The following PARD3B variants were observed in gnomAD, a reference collection of about 807,000 sequenced individuals.
The protein encoded by PARD3B is par-3 family cell polarity regulator beta, also known as partitioning defective 3 homolog B.
A neutral mutation model predicts 130.2 loss-of-function variants in PARD3B; 103 were observed. That is an observed-to-expected ratio of 0.79 (90% CI 0.67 to 0.93). The LOEUF (loss-of-function observed/expected upper bound fraction) is 0.93, where lower values mean the gene tolerates loss of function less well. Among genes scored for constraint, PARD3B ranks in the 40% least tolerant of loss-of-function variants. The pLI is 0.00. For missense variants in PARD3B, 1,609 were observed against 1,499.2 expected, an observed-to-expected ratio of 1.07 and a Z score of -1.21; for synonymous variants, 583 against 553.2, an observed-to-expected ratio of 1.05 and a Z score of -0.76.
At chr2:204,727,706 G>A (rs185105634) in intron 2 of PARD3B, among the ~76,000 whole-genome samples, 1 of 152,250 alleles carries the variant, frequency 6.6e-6, no homozygotes, top group Admixed American at 6.5e-5. Context: ...GCTGTAGCAG[G>A]GGTCATGAAT....
chr2:205,140,702 T>C (rs1414611006), intron 10 of PARD3B, among the ~76,000 whole-genome samples: 1 of 152,164 alleles, frequency 6.6e-6, no homozygotes, highest in Non-Finnish European at 1.5e-5. Context: ...TGTGTACTGT[T>C]ATGCTGAATA....
intron 2 of PARD3B, among the ~76,000 whole-genome samples, chr2:204,861,631 A>T (rs962623552): frequency 4.6e-5 from 7 of 152,128 alleles, no homozygotes; most frequent in Non-Finnish European, 1.0e-4. Flanking sequence ...CATCATAATG[A>T]TTATTTAACT....
At chr2:204,560,463 G>T (rs985651959) in intron 1 of PARD3B, among the ~76,000 whole-genome samples, 2 of 152,074 alleles carry the variant, frequency 1.3e-5, no homozygotes, top group Non-Finnish European at 2.9e-5. Context: ...TTTGGGGCAA[G>T]GGGAGGTGGG....
intron 4 of PARD3B, among the ~76,000 whole-genome samples, chr2:205,054,893 G>T (rs760918132): frequency 3.2e-4 from 49 of 151,896 alleles, no homozygotes; most frequent in East Asian, 1.2e-3. Flanking sequence ...AAAATGAGTG[G>T]TTTTTTTTCC....
At chr2:204,960,220 A>G (rs1200689179) in intron 2 of PARD3B, among the ~76,000 whole-genome samples, 2 of 152,168 alleles carry the variant, frequency 1.3e-5, no homozygotes, top group Non-Finnish European at 2.9e-5. Context: ...TTTACAATAG[A>G]TAAATCAAAG....
At chr2:205,306,384 C>A (rs1331666544) in intron 18 of PARD3B, among the ~76,000 whole-genome samples, 1 of 152,044 alleles carries the variant, frequency 6.6e-6, no homozygotes, top group Non-Finnish European at 1.5e-5. Flanking sequence ...AGAGTTTTTT[C>A]TTTAAGGTGT....
intron 2 of PARD3B, among the ~76,000 whole-genome samples, chr2:204,875,806 C>G (rs2045819548): frequency 6.6e-6 from 1 of 152,172 alleles, no homozygotes; most frequent in Non-Finnish European, 1.5e-5. Context: ...AAGAAGGCGG[C>G]CCTAAAAATC....
intron 18 of PARD3B, among the ~76,000 whole-genome samples, chr2:205,322,792 A>T (rs1179363982): frequency 6.6e-6 from 1 of 151,258 alleles, no homozygotes; most frequent in Non-Finnish European, 1.5e-5. Context: ...CTGTGCCCCA[A>T]ATATCTCCCA....
At chr2:204,994,605 G>T (rs1458358351) in intron 3 of PARD3B, among the ~76,000 whole-genome samples, 1 of 151,474 alleles carries the variant, frequency 6.6e-6, no homozygotes, top group Non-Finnish European at 1.5e-5. Context: ...TCCGCTTGGT[G>T]CAGAGCTGAG....
intron 3 of PARD3B, among the ~76,000 whole-genome samples, chr2:205,006,272 C>T (rs1273842999): frequency 2.6e-5 from 4 of 152,088 alleles, no homozygotes; most frequent in African/African-American, 4.8e-5. Flanking sequence ...CTGCTGTAAA[C>T]GTGTGTATAT....
intron 2 of PARD3B, among the ~76,000 whole-genome samples, chr2:204,753,855 T>A (rs1339854178): frequency 6.6e-6 from 1 of 152,022 alleles, no homozygotes; most frequent in African/African-American, 2.4e-5. Flanking sequence ...GAGTTTGAGA[T>A]CAGCTGGGCA....
rs1203332030 is a variant in PARD3B, at chr2:205,128,461, C to T, written c.1434+2724C>T. On this transcript the variant is annotated intron_variant, in intron 10 of 22. Coordinates refer to ENST00000406610, the MANE Select transcript of PARD3B (RefSeq NM_001302769.2). The surrounding 1 kb of genome is among the most constrained non-coding windows in gnomAD (Gnocchi z 4.5). ...ATCTGGAAGTTAGCAACTGGAATAA[C>T]ATTTAACATTGTCTCTGGAGTTCAC... 6.6e-6 allele frequency among the ~76,000 whole-genome samples: 1 copy of T among 152,224 alleles called. No individual in the cohort carries two copies. The highest frequency in any genetic ancestry group is 1.5e-5 in the Non-Finnish European group (1 of 68,044).
intron 22 of PARD3B, among the ~76,000 whole-genome samples, chr2:205,603,384 A>G (rs1314775918): frequency 6.6e-6 from 1 of 152,200 alleles, no homozygotes; most frequent in Non-Finnish European, 1.5e-5. Context: ...TCCAGATCCA[A>G]GTTCGAGTCC....
chr2:205,192,677 TG>T (rs1256835541), intron 14 of PARD3B, among the ~76,000 whole-genome samples: 2 of 152,218 alleles, frequency 1.3e-5, no homozygotes, highest in African/African-American at 4.8e-5. Flanking sequence ...GTGAGCAGAC[TG>T]TCTGCTTAGT....
intron 2 of PARD3B, among the ~76,000 whole-genome samples, chr2:204,717,891 G>A (rs1045707445): frequency 6.6e-6 from 1 of 152,178 alleles, no homozygotes; most frequent in Non-Finnish European, 1.5e-5. Context: ...TTCGTTCTCA[G>A]TTTGTATGCT....
At chr2:204,695,067 C>T (rs1277381617) in intron 2 of PARD3B, among the ~76,000 whole-genome samples, 2 of 151,918 alleles carry the variant, frequency 1.3e-5, no homozygotes, top group Non-Finnish European at 2.9e-5. Context: ...TTTGAGATCA[C>T]AATAATGCTT....
intron 2 of PARD3B, among the ~76,000 whole-genome samples, chr2:204,930,395 C>A (rs1211167895): frequency 6.6e-6 from 1 of 151,940 alleles, no homozygotes; most frequent in Non-Finnish European, 1.5e-5. Context: ...ATACCTAATA[C>A]AATGTAAATA....
chr2:204,983,771 T>C (rs1159254670), intron 3 of PARD3B, among the ~76,000 whole-genome samples: 1 of 152,206 alleles, frequency 6.6e-6, no homozygotes, highest in East Asian at 1.9e-4. Context: ...GAATTTAGTA[T>C]AGACATTGTA....
At position 205,463,602 on chromosome 2, in the gene PARD3B, T is replaced by G. The variant is rs961166052; in HGVS notation, c.3044+22930T>G. Reference sequence around the variant, plus strand: ...TAGCTATTTGTGAACCAACTGATAATGTGCAAAATTAAGATTTCGTAAGTG... The same window carrying G: ...TAGCTATTTGTGAACCAACTGATAAGGTGCAAAATTAAGATTTCGTAAGTG... On this transcript the variant is annotated intron_variant, in intron 20 of 22. Coordinates refer to ENST00000406610, the MANE Select transcript of PARD3B (RefSeq NM_001302769.2). This position sits in a 1 kb window ranked among gnomAD's most constrained non-coding sequence, Gnocchi z 4.8. Among the ~76,000 whole-genome samples, 1 of 152,208 alleles carries G rather than the reference T, an allele frequency of 6.6e-6. No homozygotes were observed. Among genetic ancestry groups the G allele is most frequent in the African/African-American group, 2.4e-5 (1 of 41,454 alleles).
Sources: allele counts gnomAD v4.1 joint callset (sites outside exome capture counted in the v4.1 genomes callset), GRCh38; gene constraint gnomAD v4.1.1; non-coding constraint Gnocchi (gnomAD v3.1); transcripts MANE v1.5; gene names NCBI Gene and HGNC (gene_info 2026-07-23, HGNC 2026-07-21).